Variants in PCDH15 observed in about 807,000 individuals in gnomAD.
PCDH15 encodes the protein protocadherin-15.
PCDH15 carries 129 observed loss-of-function variants against 178.5 expected under a neutral mutation model. The ratio of observed to expected loss-of-function variants is 0.72; its 90% CI spans 0.63 to 0.84. The LOEUF (loss-of-function observed/expected upper bound fraction) is 0.84, where lower values mean the gene tolerates loss of function less well. PCDH15 is among the 40% of genes least tolerant of loss of function. The probability of loss-of-function intolerance (pLI) is 0.00; values close to 1 mark genes in which losing one functional copy is unlikely to be tolerated. For missense variants in PCDH15, 2,230 were observed against 2,099.9 expected (o/e 1.06, Z -1.21); for synonymous variants, 800 against 732.0 (o/e 1.09, Z -1.50).
chr10:55,279,484 G>A (rs530569855), intron 1 of PCDH15, among the ~76,000 whole-genome samples: 3 of 152,116 alleles, frequency 2.0e-5, no homozygotes, highest in Non-Finnish European at 4.4e-5. Flanking sequence ...CATGTCTTCT[G>A]ATTAGGCTGA....
At chr10:55,237,211 A>G (rs997972771) in intron 1 of PCDH15, among the ~76,000 whole-genome samples, 1 of 152,100 alleles carries the variant, frequency 6.6e-6, no homozygotes, top group Non-Finnish European at 1.5e-5. Flanking sequence ...TGCACAATGC[A>G]CTATATTGGT....
At chr10:53,941,360 G>C (rs75465005) in intron 23 of PCDH15, among the ~76,000 whole-genome samples, 5,928 of 152,150 alleles carry the variant, frequency 0.039, 172 homozygotes, top group East Asian at 0.13. Context: ...GGCAACCACT[G>C]ATCTTTGTAG....
At chr10:54,395,393 T>A (rs1228000642) in intron 3 of PCDH15, among the ~76,000 whole-genome samples, 1 of 150,518 alleles carries the variant, frequency 6.6e-6, no homozygotes, top group Non-Finnish European at 1.5e-5. Context: ...TTCAACTTAG[T>A]GACTATTATT....
chr10:55,542,260 T>C (rs1351223121), intron 2 of PCDH15, among the ~76,000 whole-genome samples: 3 of 151,264 alleles, frequency 2.0e-5, no homozygotes, highest in Non-Finnish European at 1.5e-5. Flanking sequence ...TACATGTATG[T>C]ACAGTATGTC....
chr10:53,834,735 A>G (rs2077207873), intron 29 of PCDH15, among the ~76,000 whole-genome samples: 1 of 152,188 alleles, frequency 6.6e-6, no homozygotes, highest in Non-Finnish European at 1.5e-5. Context: ...TTCTGCCTCC[A>G]TTGATGGATA....
intron 19 of PCDH15, 76 bp downstream of exon 19, chr10:54,022,816 C>G: frequency 2.1e-6 from 3 of 1,444,642 alleles, no homozygotes; most frequent in Non-Finnish European, 2.9e-6. Flanking sequence ...TTGTTACTTG[C>G]TAATTTTGGC....
chr10:54,913,792 G>C (rs146387144), intron 2 of PCDH15, among the ~76,000 whole-genome samples: 2 of 152,174 alleles, frequency 1.3e-5, no homozygotes, highest in South Asian at 4.1e-4. Context: ...ATGAGAGATA[G>C]AGTCAAAAAA....
chr10:54,349,001 T>C (rs1943756236), intron 5 of PCDH15, among the ~76,000 whole-genome samples: 1 of 152,240 alleles, frequency 6.6e-6, no homozygotes, highest in Non-Finnish European at 1.5e-5. Context: ...TGTGAAATTT[T>C]ATGATTGGAT....
rs774001742 is a variant in PCDH15 at position 53,806,548 on chromosome 10, AAATT to A, written c.*27_*30del. Reference sequence around the variant, plus strand: ...CACAGTTTATTAAAAATGTAAGTAAAAATTAATTAAAATATCTTTTAAAAAATTG... The same window carrying A: ...CACAGTTTATTAAAAATGTAAGTAAAAATTAAAATATCTTTTAAAAAATTG... On this transcript the variant is annotated 3_prime_UTR_variant, in exon 38 of 38. Transcript: ENST00000644397. 8.8e-6 allele frequency: 13 copies of A among 1,481,058 alleles called. No individual in the cohort carries two copies. The highest frequency in any genetic ancestry group is 2.2e-5 in the Admixed American group (1 of 45,932). The allele number at this position is 1,481,058 out of a possible 1,614,324, so 91.7% of individuals were successfully genotyped here. A position where few individuals can be genotyped will look rare whatever the true frequency, so the allele number is the denominator to read the frequency against.
intron 3 of PCDH15, among the ~76,000 whole-genome samples, chr10:54,506,300 T>C (rs1224401042): frequency 2.6e-5 from 4 of 152,080 alleles, no homozygotes; most frequent in Non-Finnish European, 5.9e-5. Context: ...AAATCGTTTC[T>C]ATATAGTCAG....
chr10:54,995,835 G>T (rs2131923023), intron 2 of PCDH15, among the ~76,000 whole-genome samples: 1 of 151,266 alleles, frequency 6.6e-6, no homozygotes, highest in Non-Finnish European at 1.5e-5. Flanking sequence ...ACCACCTGTT[G>T]TCTGTTGACA....
chr10:53,934,220 C>A (rs2085354263), intron 25 of PCDH15, among the ~76,000 whole-genome samples: 1 of 152,078 alleles, frequency 6.6e-6, no homozygotes, highest in African/African-American at 2.4e-5. Flanking sequence ...AGGGATAGAA[C>A]TTTGGGTTCA....
At chr10:55,118,890 G>A (rs979478423) in intron 2 of PCDH15, among the ~76,000 whole-genome samples, 4 of 152,092 alleles carry the variant, frequency 2.6e-5, no homozygotes, top group Non-Finnish European at 4.4e-5. Context: ...ATTGACTTAC[G>A]AAGAGATTTC....
At chr10:53,826,588 G>A (rs2076694694) in intron 32 of PCDH15, among the ~76,000 whole-genome samples, 1 of 151,990 alleles carries the variant, frequency 6.6e-6, no homozygotes, top group South Asian at 2.1e-4. Context: ...ATGTCCAAAA[G>A]CAGTTATTCT....
At position 54,004,311 on chromosome 10, in the gene PCDH15, A is replaced by G. The variant is rs186895778; in HGVS notation, c.2752-8546T>C. 2.1e-4 allele frequency among the ~76,000 whole-genome samples: 32 copies of G among 152,000 alleles called. No homozygotes were observed. In the East Asian group the frequency reaches 6.0e-3, roughly 29 times the overall value. On this transcript the variant is annotated intron_variant, in intron 20 of 37. Coordinates refer to ENST00000644397, the MANE Select transcript of PCDH15 (RefSeq NM_001384140.1). ...GAACAATCAGAAAAGAAAACAAAAT[A>G]ATGATCATCTAAATTGGAAAGGAAG... is the stretch of plus-strand genomic sequence containing the variant.
At chr10:54,265,977 A>T (rs964087661) in intron 8 of PCDH15, among the ~76,000 whole-genome samples, 3 of 151,942 alleles carry the variant, frequency 2.0e-5, no homozygotes, top group African/African-American at 7.2e-5. Flanking sequence ...CAAAATATAT[A>T]TTTTTCTCAT....
At chr10:54,350,382 A>G (rs190108682) in intron 5 of PCDH15, among the ~76,000 whole-genome samples, 1 of 152,282 alleles carries the variant, frequency 6.6e-6, no homozygotes, top group East Asian at 1.9e-4. Context: ...ACTCCTGTGT[A>G]TTTCTACTAC....
Position 54,430,568 on chromosome 10 carries a change from TAAG to T in PCDH15, c.158-51629_158-51627del, listed in dbSNP as rs1346547004. Among the ~76,000 whole-genome samples, 4 of 152,202 alleles carry T rather than the reference TAAG, an allele frequency of 2.6e-5. No individual in the cohort carries two copies. In the East Asian group the frequency reaches 7.7e-4, roughly 29 times the overall value. ...CCATCCAGTGTTTCAGTGAAAAAGT[TAAG>T]AAGGAAGTTCAAAAAGATCCAAAAC... is the stretch of plus-strand genomic sequence containing the variant. On this transcript the variant is annotated intron_variant, in intron 3 of 37. Transcript: ENST00000644397.
chr10:55,328,803 G>T (rs1409491769), intron 2 of PCDH15, among the ~76,000 whole-genome samples: 1 of 150,338 alleles, frequency 6.7e-6, no homozygotes, highest in African/African-American at 2.4e-5. Context: ...AGGGGGATGT[G>T]CATAGATTAT....
Sources: gnomAD v4.1 joint callset for allele counts (sites outside exome capture counted in the v4.1 genomes callset) on GRCh38, gnomAD v4.1.1 for gene constraint, MANE v1.5 for transcripts, NCBI Gene and HGNC (gene_info 2026-07-23, HGNC 2026-07-21) for gene names.